Variants in LIG1 observed in about 807,000 individuals in gnomAD.
LIG1 encodes ligase I, DNA, ATP-dependent.
A neutral mutation model predicts 115.7 loss-of-function variants in LIG1; 70 were observed. That is an observed-to-expected ratio of 0.60 (90% confidence interval 0.50 to 0.74). LIG1 has a LOEUF of 0.74. Ranked by LOEUF, LIG1 falls within the 30% of genes least tolerant of loss-of-function variation. The probability of loss-of-function intolerance (pLI) is 0.00; values close to 1 mark genes in which losing one functional copy is unlikely to be tolerated. For missense variants in LIG1, 1,115 were observed against 1,225.6 expected, an observed-to-expected ratio of 0.91 and a Z score of 1.35; for synonymous variants, 487 against 495.3, an observed-to-expected ratio of 0.98 and a Z score of 0.22.
chr19:48,151,046 C>T (rs1599841715), intron 7 of LIG1, among the ~76,000 whole-genome samples, 186 bp downstream of exon 7: 1 of 151,644 alleles, frequency 6.6e-6, no homozygotes, highest in Middle Eastern at 3.4e-3. Flanking sequence ...TCCTTTCCCA[C>T]ATGCATGGGG....
At chr19:48,125,380 A>T (rs1405357360) in intron 21 of LIG1, among the ~76,000 whole-genome samples, 1 of 152,194 alleles carries the variant, frequency 6.6e-6, no homozygotes, top group African/African-American at 2.4e-5. Context: ...TTCCTACAGT[A>T]ATTTCATGTA....
chr19:48,133,855 A>C, intron 17 of LIG1, 126 bp downstream of exon 17: 1 of 759,742 alleles, frequency 1.3e-6, no homozygotes, highest in Non-Finnish European at 2.3e-6. Flanking sequence ...AGGGAGGAGC[A>C]TTTGGTTTTG....
Position 48,135,552 on chromosome 19 carries a change from C to A in LIG1, c.1523+128G>T. 3 of 798,942 alleles carry A rather than the reference C, an allele frequency of 3.8e-6. No homozygotes were observed. In the East Asian group the frequency reaches 7.3e-5, roughly 19 times the overall value. The allele number at this position is 798,942 out of a possible 1,614,324, so 49.5% of individuals were successfully genotyped here. On this transcript the variant is annotated intron_variant, in intron 16 of 27. Transcript: ENST00000263274. Reference sequence around the variant, plus strand: ...GATCACCACCTCTGCTCTCAGTCACCCCGTGACCGGCACTCGTGATGCCTG... The same window carrying A: ...GATCACCACCTCTGCTCTCAGTCACACCGTGACCGGCACTCGTGATGCCTG...
rs370933879 is a variant in LIG1, at chr19:48,155,416, C to T, written c.371-1449G>A. On this transcript the variant is annotated intron_variant, in intron 5 of 27. Coordinates refer to ENST00000263274, the MANE Select transcript of LIG1 (RefSeq NM_000234.3). ...ATCCCATGCTGTTCCCATCTCGAGG[C>T]CTCTGCACGTGCCCTTCTTGTCTGA... Among the ~76,000 whole-genome samples, 7 of 152,288 alleles carry T rather than the reference C, an allele frequency of 4.6e-5. No individual in the cohort carries two copies. In the East Asian group the frequency reaches 1.2e-3, roughly 25 times the overall value.
At position 48,137,734 on chromosome 19, in the gene LIG1, G is replaced by T. The variant is rs1385750067; in HGVS notation, c.1088-46C>A. On this transcript the variant is annotated intron_variant, in intron 12 of 27. Transcript: ENST00000263274. This position sits in a 1 kb window ranked among gnomAD's most constrained non-coding sequence, Gnocchi z 4.3. The stretch of plus-strand genomic sequence containing the variant: ...GGGGGTGTCGAGGGTGACAGTTGTG[G>T]CTGCGTGTCTCCCTTCTCTCGCGGC... 1 of 1,595,844 alleles carries T rather than the reference G, an allele frequency of 6.3e-7. No homozygotes were observed. Among genetic ancestry groups the T allele is most frequent in the Non-Finnish European group, 8.5e-7 (1 of 1,177,492 alleles).
chr19:48,128,059 TG>T (rs757620022), intron 19 of LIG1, 39 bp from the exon 20 acceptor site: 1 of 1,511,230 alleles, frequency 6.6e-7, no homozygotes, highest in South Asian at 1.1e-5. Flanking sequence ...CTGAGAGAGG[TG>T]GAAGATGAGG....
intron 1 of LIG1, among the ~76,000 whole-genome samples, chr19:48,166,763 G>A (rs767755731): frequency 7.9e-5 from 12 of 151,910 alleles, no homozygotes; most frequent in Non-Finnish European, 1.6e-4. Context: ...CTGAGGTCAG[G>A]AGTTCGAGAC....
At chr19:48,151,450 A>G in intron 6 of LIG1, 111 bp from the exon 7 acceptor site, 1 of 759,410 alleles carries the variant, frequency 1.3e-6, no homozygotes. Flanking sequence ...TTTTTTTGAG[A>G]CAGAGTTTCG....
intron 16 of LIG1, 62 bp downstream of exon 16, chr19:48,135,618 C>T: frequency 7.5e-6 from 10 of 1,335,318 alleles, no homozygotes; most frequent in Non-Finnish European, 1.1e-5. Flanking sequence ...CCTCTGGCTC[C>T]ACCCCCACCC....
chr19:48,120,535 T>C (rs769433403), intron 24 of LIG1: 22 of 984,846 alleles, frequency 2.2e-5, no homozygotes, highest in Non-Finnish European at 2.5e-5. Context: ...GAAAATCTAG[T>C]CCAAAATGTG....
intron 23 of LIG1, among the ~76,000 whole-genome samples, chr19:48,121,661 C>T (rs1246399683): frequency 6.6e-6 from 1 of 152,112 alleles, no homozygotes; most frequent in Non-Finnish European, 1.5e-5. Flanking sequence ...ATTAGCCGGG[C>T]GTGGTGGCGT....
At chr19:48,142,926 G>A (rs1215035439) in intron 11 of LIG1, among the ~76,000 whole-genome samples, 1 of 152,170 alleles carries the variant, frequency 6.6e-6, no homozygotes, top group Admixed American at 6.5e-5. Flanking sequence ...TAAGGCATGA[G>A]CCACTGCACC....
chr19:48,136,077 C>T lies in LIG1; in HGVS notation c.1380G>A (p.Leu460=), dbSNP rs1398069522. The T allele has an allele frequency of 6.4e-7, 1 of 1,573,572 alleles. No homozygotes were observed. The highest frequency in any genetic ancestry group is 2.3e-5 in the East Asian group (1 of 42,622). ...LRLGLAEQSV[L]AALSQAVSLT... ...GGCTCACTGCCTGGGAGAGGGCAGC[C>T]AGCACCGACTGCTCTGCCAGCCCAA... Residue 460 remains leucine, a synonymous_variant, in exon 15 of 28, where the codon CTG becomes CTA. Coordinates refer to ENST00000263274, the MANE Select transcript of LIG1 (RefSeq NM_000234.3).
intron 20 of LIG1, 27 bp from the exon 21 acceptor site, chr19:48,127,375 G>A (rs1295458186): frequency 6.2e-7 from 1 of 1,603,692 alleles, no homozygotes; most frequent in Non-Finnish European, 8.5e-7. Flanking sequence ...CGGAGTTCGT[G>A]AGTGCAGGAA....
In LIG1 at chr19:48,137,173, G is replaced by C. The variant is rs2034447145; in HGVS notation, c.1255-89C>G. The stretch of plus-strand genomic sequence containing the variant: ...CAGCCGTGCTGCTGCCCTGCATTTT[G>C]GAATACCTGCCCTCCTTCCCTCACC... On this transcript the variant is annotated intron_variant, in intron 13 of 27. Coordinates refer to ENST00000263274, the MANE Select transcript of LIG1 (RefSeq NM_000234.3). The surrounding 1 kb of genome is among the most constrained non-coding windows in gnomAD (Gnocchi z 4.3). The C allele has an allele frequency of 3.4e-5, 38 of 1,105,932 alleles. No individual in the cohort carries two copies. In the South Asian group the frequency reaches 4.8e-4, roughly 14 times the overall value. 68.5% of individuals were successfully genotyped at this position (1,105,932 alleles called of 1,614,324 possible).
intron 8 of LIG1, 81 bp downstream of exon 8, chr19:48,150,007 G>A (rs2035364620): frequency 6.2e-7 from 1 of 1,604,400 alleles, no homozygotes; most frequent in East Asian, 2.2e-5. Flanking sequence ...GGTCTTCGCA[G>A]CATCTCAGGC....
In LIG1 at chr19:48,157,060, G is replaced by A. The variant is rs116928757; in HGVS notation, c.324C>T (p.Thr108=). The change falls in exon 5 of 28, where the codon ACC becomes ACT. Residue 108 remains threonine, a synonymous_variant. Coordinates refer to ENST00000263274, the MANE Select transcript of LIG1 (RefSeq NM_000234.3). ...SPENNASLSD[T]SPMDSSPSGI... ...CTGATGGGGAACTGTCCATGGGAGA[G>A]GTGTCAGAGAGGGAAGCATTGTTCT... is the stretch of plus-strand genomic sequence containing the variant. 1,392 of 1,613,288 alleles carry A rather than the reference G, an allele frequency of 8.6e-4. No homozygotes were observed. Among genetic ancestry groups the A allele is most frequent in the Non-Finnish European group, 1.1e-3 (1,311 of 1,179,528 alleles).
At chr19:48,135,989 A>AG in intron 15 of LIG1, 45 bp downstream of exon 15, 1 of 1,451,012 alleles carries the variant, frequency 6.9e-7, no homozygotes, top group Non-Finnish European at 9.4e-7. Flanking sequence ...GGGAAGCCTG[A>AG]GGTAACTCCA....
chr19:48,143,320 G>C (rs867860396), intron 11 of LIG1, among the ~76,000 whole-genome samples: 16 of 152,168 alleles, frequency 1.1e-4, no homozygotes, highest in African/African-American at 3.6e-4. Flanking sequence ...CTGCACATCT[G>C]GGCTCGCCCC....
Sources: gnomAD v4.1 joint callset for allele counts (sites outside exome capture counted in the v4.1 genomes callset) on GRCh38, gnomAD v4.1.1 for gene constraint, Gnocchi (gnomAD v3.1) non-coding constraint, MANE v1.5 for transcripts, NCBI Gene and HGNC (gene_info 2026-07-23, HGNC 2026-07-21) for gene names.